ZNF709: variants seen among roughly 807,000 people sequenced by gnomAD.
The protein encoded by ZNF709 is zinc finger protein 709.
A neutral mutation model predicts 10.6 loss-of-function variants in ZNF709; 15 were observed. The ratio of observed to expected loss-of-function variants is 1.41; its 90% CI spans 0.95 to 2.18. ZNF709 has a LOEUF of 2.18. Among genes scored for constraint, ZNF709 ranks in the 30% most tolerant of loss-of-function variants. ZNF709 has a pLI of 0.00. For synonymous variants in ZNF709, 194 were observed against 238.8 expected (o/e 0.81, Z 1.73); for missense variants, 589 against 774.0 (o/e 0.76, Z 2.84).
At chr19:12,483,781 A>AT (rs997047632) in intron 1 of ZNF709, among the ~76,000 whole-genome samples, 22 of 152,240 alleles carry the variant, frequency 1.4e-4, no homozygotes, top group African/African-American at 5.3e-4. Context: ...TATATTTTAC[A>AT]TTTTTTGAGA....
chr19:12,467,825 C>T (rs1391022807), intron 1 of ZNF709, among the ~76,000 whole-genome samples: 8 of 147,498 alleles, frequency 5.4e-5, no homozygotes, highest in Middle Eastern at 4.1e-3. Context: ...TGCCTCTGCC[C>T]GGCCGCAACC....
chr19:12,478,360 G>T (rs2042297), intron 1 of ZNF709, among the ~76,000 whole-genome samples: 115,522 of 152,084 alleles, frequency 0.76, 44,196 homozygotes, highest in Non-Finnish European at 0.79. Context: ...TTATCAAAAC[G>T]GCCAACTCCA....
At chr19:12,466,086 A>G (rs1970568424) in intron 3 of ZNF709, among the ~76,000 whole-genome samples, 1 of 151,958 alleles carries the variant, frequency 6.6e-6, no homozygotes. Flanking sequence ...GATTACAGGT[A>G]CCCACCACCA....
At chr19:12,472,521 C>CA (rs34678727) in intron 1 of ZNF709, among the ~76,000 whole-genome samples, 64,096 of 84,432 alleles carry the variant, frequency 0.76, 23,694 homozygotes, top group Non-Finnish European at 0.79. Context: ...GACTCCATCT[C>CA]AAAAAAAAAA....
At chr19:12,480,884 A>G (rs529883441) in intron 1 of ZNF709, among the ~76,000 whole-genome samples, 1 of 151,728 alleles carries the variant, frequency 6.6e-6, no homozygotes, top group East Asian at 1.9e-4. Flanking sequence ...GGCTCAAGGG[A>G]TCCTCCCATC....
At chr19:12,475,135 G>A (rs144686396) in intron 1 of ZNF709, among the ~76,000 whole-genome samples, 201 of 151,946 alleles carry the variant, frequency 1.3e-3, no homozygotes, top group Non-Finnish European at 2.0e-3. Flanking sequence ...GTGGGCACCT[G>A]TAGTCCCAGC....
Position 12,465,035 on chromosome 19 carries a change from C to A in ZNF709, c.887G>T (p.Arg296Leu). The A allele has an allele frequency of 6.2e-7, 1 of 1,612,284 alleles. No homozygotes were observed. ...GKALSCPTSF[R>L]SHERIHTGEK... ...TCCAGTGTGAATCCTTTCATGACTTCGAAAGGATGTGGGACAACTAAGAGC... is the reference window on the plus strand; with the variant it reads ...TCCAGTGTGAATCCTTTCATGACTTAGAAAGGATGTGGGACAACTAAGAGC... The change falls in exon 4 of 4, where the codon CGA becomes CTA. Residue 296 changes from arginine to leucine, a missense_variant. By Grantham distance (102) the Arg-to-Leu change is moderately radical. Coordinates refer to ENST00000397732, the MANE Select transcript of ZNF709 (RefSeq NM_152601.4).
intron 1 of ZNF709, among the ~76,000 whole-genome samples, chr19:12,469,252 G>A (rs1336903383): frequency 2.0e-5 from 3 of 152,114 alleles, no homozygotes; most frequent in Non-Finnish European, 4.4e-5. Flanking sequence ...ACATCCTGCT[G>A]GCCATGTTGT....
chr19:12,470,170 C>T (rs151242440), intron 1 of ZNF709, among the ~76,000 whole-genome samples: 10 of 152,272 alleles, frequency 6.6e-5, no homozygotes, highest in Non-Finnish European at 1.0e-4. Context: ...GATCCCGACA[C>T]CAAAGCATAG....
chr19:12,471,855 G>A (rs1167303180), intron 1 of ZNF709, among the ~76,000 whole-genome samples: 1 of 152,116 alleles, frequency 6.6e-6, no homozygotes, highest in Non-Finnish European at 1.5e-5. Context: ...AAAGTCACAG[G>A]CAAACTTTTT....
intron 1 of ZNF709, 37 bp downstream of exon 1, chr19:12,484,618 C>G: frequency 6.2e-7 from 1 of 1,612,640 alleles, no homozygotes; most frequent in Non-Finnish European, 8.5e-7. Flanking sequence ...ACCCGCCCCT[C>G]TCTCCCATCT....
At chr19:12,480,157 A>T (rs527936273) in intron 1 of ZNF709, among the ~76,000 whole-genome samples, 27 of 139,908 alleles carry the variant, frequency 1.9e-4, no homozygotes, top group East Asian at 4.0e-4. Flanking sequence ...CCTGTTTTTT[A>T]AAAAAAAAAC....
Position 12,464,242 on chromosome 19 carries a change from A to G in ZNF709, c.1680T>C (p.Tyr560=), listed in dbSNP as rs948935216. 17 of 1,596,640 alleles carry G rather than the reference A, an allele frequency of 1.1e-5. No individual in the cohort carries two copies. The highest frequency in any genetic ancestry group is 1.4e-5 in the Non-Finnish European group (16 of 1,172,358). The part of the protein sequence containing the change: ...HERTHTGEKP[Y]ECKQCGKAFS... The stretch of plus-strand genomic sequence containing the variant: ...AGGCCTTACCACATTGTTTACACTC[A>G]TAAGGTTTCTCTCCAGTGTGAGTCC... Residue 560 remains tyrosine (Y), a synonymous_variant, in exon 4 of 4, where the codon TAT becomes TAC. Transcript: ENST00000397732.
chr19:12,484,357 G>A (rs1188771408), intron 1 of ZNF709, among the ~76,000 whole-genome samples: 5 of 152,148 alleles, frequency 3.3e-5, no homozygotes, highest in Non-Finnish European at 7.4e-5. Flanking sequence ...TGACCCTCCC[G>A]TGCCCCAGCA....
Position 12,464,210 on chromosome 19 carries a change from C to T in ZNF709, c.1712G>A (p.Cys571Tyr). Residue 571 changes from cysteine (C) to tyrosine (Y), a missense_variant, in exon 4 of 4, where the codon TGT (cysteine) becomes TAT (tyrosine). Transcript: ENST00000397732. ...ECKQCGKAFS[C>Y]SSSVRMHERT... is the part of the protein sequence containing the mutation. ...TTCATGCATTCGAACAGAACTAGAA[C>T]AACTGAAGGCCTTACCACATTGTTT... The T allele has an allele frequency of 6.3e-7, 1 of 1,584,018 alleles. No individual in the cohort carries two copies. Among genetic ancestry groups the T allele is most frequent in the Non-Finnish European group, 8.6e-7 (1 of 1,167,742 alleles).
At chr19:12,466,078 T>C (rs1970568283) in intron 3 of ZNF709, among the ~76,000 whole-genome samples, 1 of 151,988 alleles carries the variant, frequency 6.6e-6, no homozygotes, top group African/African-American at 2.4e-5. Context: ...GTAGCTGGGA[T>C]TACAGGTACC....
Position 12,464,280 on chromosome 19 carries a change from G to A in ZNF709, c.1642C>T (p.Arg548Ter), listed in dbSNP as rs754601314. 14 of 1,603,132 alleles carry A rather than the reference G, an allele frequency of 8.7e-6. No individual in the cohort carries two copies. Among genetic ancestry groups the A allele is most frequent in the African/African-American group, 2.7e-5 (2 of 74,510 alleles). The change falls in exon 4 of 4, where the codon CGA (arginine) becomes TGA (stop). Residue 548 changes from arginine (R) to a stop codon, truncating the protein, a stop_gained. Transcript: ENST00000397732. LOFTEE classifies it low-confidence loss of function (END_TRUNC). ...CCAGTGTGAGTCCTTTCATGTATTC[G>A]AATGGAACTGGAACAACTAAACGCC... ...GKAFSCSSSIRIHERTHTGEK... is the reference protein window; with the variant it reads ...GKAFSCSSSI
At chr19:12,469,980 A>C (rs1453620388) in intron 1 of ZNF709, among the ~76,000 whole-genome samples, 1 of 152,212 alleles carries the variant, frequency 6.6e-6, no homozygotes, top group Non-Finnish European at 1.5e-5. Context: ...CAATGGTTTC[A>C]TACTGAATTT....
Position 12,464,990 on chromosome 19 carries a change from T to C in ZNF709, c.932A>G (p.Lys311Arg), listed in dbSNP as rs746911952. 3 of 1,606,844 alleles carry C rather than the reference T, an allele frequency of 1.9e-6. No individual in the cohort carries two copies. The Admixed American group carries it at 5.2e-5, about 28-fold the overall frequency. Residue 311 changes from lysine (K) to arginine (R), a missense_variant, in exon 4 of 4, where the codon AAA (lysine) becomes AGA (arginine). By Grantham distance (26) the Lys-to-Arg change is conservative (BLOSUM62 2). This residue lies in a region of ZNF709 where 418 missense variants were observed against 496.3 expected (regional missense o/e 0.84). Coordinates refer to ENST00000397732, the MANE Select transcript of ZNF709 (RefSeq NM_152601.4). ...IHTGEKPYKCKKCGKAFSFPS... is the reference protein window; with the variant it reads ...IHTGEKPYKCRKCGKAFSFPS... ...AAAACTGAAGGCTTTCCCACATTTT[T>C]TACATTTATAGGGTTTTTCTCCAGT...
Sources: gnomAD v4.1 joint callset for allele counts (sites outside exome capture counted in the v4.1 genomes callset) on GRCh38, gnomAD v4.1.1 for gene constraint, gnomAD v4.1.1 regional missense constraint, MANE v1.5 for transcripts, NCBI Gene and HGNC (gene_info 2026-07-23, HGNC 2026-07-21) for gene names.